The following SLC38A1 variants were observed in gnomAD, a reference collection of about 807,000 sequenced individuals.
SLC38A1 encodes the protein sodium-coupled neutral amino acid symporter 1.
Under a neutral mutation model 60.3 loss-of-function variants are expected in SLC38A1, and 18 were observed. The ratio of observed to expected loss-of-function variants is 0.30; its 90% CI spans 0.21 to 0.44. The LOEUF (loss-of-function observed/expected upper bound fraction) is 0.44, where lower values mean the gene tolerates loss of function less well. Among genes scored for constraint, SLC38A1 ranks in the 20% least tolerant of loss-of-function variants. The pLI is 1.00. For synonymous variants in SLC38A1, 196 were observed against 212.1 expected (o/e 0.92, Z 0.66); for missense variants, 448 against 587.2 (o/e 0.76, Z 2.45).
At chr12:46,220,437 T>C (rs1940612928) in intron 5 of SLC38A1, among the ~76,000 whole-genome samples, 1 of 152,228 alleles carries the variant, frequency 6.6e-6, no homozygotes, top group East Asian at 1.9e-4. Flanking sequence ...AGAGGAAAGA[T>C]GAATGTGACT....
At chr12:46,246,746 C>A (rs920675368) in intron 1 of SLC38A1, among the ~76,000 whole-genome samples, 11 of 152,190 alleles carry the variant, frequency 7.2e-5, no homozygotes, top group African/African-American at 2.7e-4. Flanking sequence ...CTGGGAGACA[C>A]CTCCTAGTAG....
chr12:46,188,678 C>G lies in SLC38A1; in HGVS notation c.*292G>C. ...AAAGTTCTAAGAGACCGGGAAGCCA[C>G]AAAACATAGAGTTAGATGGGTAAAA... On this transcript the variant is annotated 3_prime_UTR_variant, in exon 17 of 17. Coordinates refer to ENST00000398637, the MANE Select transcript of SLC38A1 (RefSeq NM_030674.4). 3.9e-6 allele frequency: 1 copy of G among 255,592 alleles called. No individual in the cohort carries two copies. 15.8% of individuals were successfully genotyped at this position (255,592 alleles called of 1,614,324 possible).
chr12:46,245,508 T>C (rs1941585467), intron 1 of SLC38A1, among the ~76,000 whole-genome samples: 1 of 152,176 alleles, frequency 6.6e-6, no homozygotes, highest in Non-Finnish European at 1.5e-5. Flanking sequence ...TGTACACTGT[T>C]GGAGGGAAGG....
chr12:46,215,551 G>A (rs1374371706), intron 5 of SLC38A1, among the ~76,000 whole-genome samples: 2 of 152,076 alleles, frequency 1.3e-5, no homozygotes, highest in Non-Finnish European at 2.9e-5. Flanking sequence ...GGGATTACAG[G>A]TGCATGCCAC....
intron 2 of SLC38A1, among the ~76,000 whole-genome samples, chr12:46,242,452 T>G (rs1229559049): frequency 6.6e-6 from 1 of 152,136 alleles, no homozygotes; most frequent in African/African-American, 2.4e-5. Context: ...GGATTGGACC[T>G]TGAAATTTTT....
intron 1 of SLC38A1, among the ~76,000 whole-genome samples, chr12:46,253,904 G>A (rs112311358): frequency 1.1e-4 from 17 of 152,204 alleles, no homozygotes; most frequent in African/African-American, 3.4e-4. Context: ...GTAGAGACGC[G>A]CTCAGTCAGA....
At chr12:46,248,835 T>G (rs1941720812) in intron 1 of SLC38A1, among the ~76,000 whole-genome samples, 1 of 152,066 alleles carries the variant, frequency 6.6e-6, no homozygotes, top group Non-Finnish European at 1.5e-5. Flanking sequence ...CAGACCACAG[T>G]GCAATCAAAT....
chr12:46,242,457 AT>A (rs1379009761), intron 2 of SLC38A1, among the ~76,000 whole-genome samples: 6 of 151,600 alleles, frequency 4.0e-5, no homozygotes, highest in African/African-American at 1.2e-4. Flanking sequence ...GGACCTTGAA[AT>A]TTTTTTTTCC....
At chr12:46,202,235 T>A (rs1225718192) in intron 12 of SLC38A1, among the ~76,000 whole-genome samples, 1 of 151,582 alleles carries the variant, frequency 6.6e-6, no homozygotes, top group Non-Finnish European at 1.5e-5. Context: ...AGTATACGCT[T>A]GAGAAAATTA....
rs1939731482 is a variant in SLC38A1 at position 46,203,035 on chromosome 12, G to A, written c.877C>T (p.Leu293=). Residue 293 remains leucine, a synonymous_variant, in exon 12 of 17, where the codon CTG becomes TTG. Transcript: ENST00000398637. ...AFAFVCHPSV[L]PIYSELKDRS... is the part of the protein sequence containing the mutation. ...TCTTTAAGCTCACTGTAAATTGGCA[G>A]GACTGACGGGTGGCAAACAAATGCA... The A allele has an allele frequency of 6.2e-7, 1 of 1,613,820 alleles. No homozygotes were observed. Among genetic ancestry groups the A allele is most frequent in the Non-Finnish European group, 8.5e-7 (1 of 1,179,896 alleles).
chr12:46,197,664 G>A (rs1939443411), intron 16 of SLC38A1, 56 bp downstream of exon 16: 2 of 1,174,554 alleles, frequency 1.7e-6, no homozygotes, highest in Non-Finnish European at 2.5e-6. Flanking sequence ...TATTTATTTT[G>A]TAAATTTAAA....
At chr12:46,218,765 A>G (rs1031094710) in intron 5 of SLC38A1, among the ~76,000 whole-genome samples, 7 of 152,130 alleles carry the variant, frequency 4.6e-5, no homozygotes, top group Non-Finnish European at 7.4e-5. Context: ...AGAGTTCTTA[A>G]AGATAATTTG....
intron 15 of SLC38A1, 22 bp downstream of exon 15, chr12:46,197,897 G>C: frequency 1.2e-6 from 2 of 1,612,124 alleles, no homozygotes; most frequent in South Asian, 2.2e-5. Flanking sequence ...AGAATGACAA[G>C]CACAAAGTCA....
At chr12:46,210,311 G>C (rs1184749418) in intron 5 of SLC38A1, among the ~76,000 whole-genome samples, 2 of 152,172 alleles carry the variant, frequency 1.3e-5, no homozygotes, top group South Asian at 2.1e-4. Flanking sequence ...GTACAGAATG[G>C]TCAACAGCAG....
Position 46,206,327 on chromosome 12 carries a change from C to A in SLC38A1, c.564-165G>T, listed in dbSNP as rs189850320. ...GTCTTATCCAAACACTTTAACCCAG[C>A]CCCTACTTATATACTACAGCTTCAC... On this transcript the variant is annotated intron_variant, in intron 8 of 16. Coordinates refer to ENST00000398637, the MANE Select transcript of SLC38A1 (RefSeq NM_030674.4). 2.0e-3 allele frequency among the ~76,000 whole-genome samples: 305 copies of A among 151,884 alleles called. 2 individuals are homozygous for A. Among genetic ancestry groups the A allele is most frequent in the Non-Finnish European group, 1.5e-3 (103 of 67,968 alleles).
chr12:46,233,276 G>C (rs189450107), intron 3 of SLC38A1, among the ~76,000 whole-genome samples: 1 of 152,014 alleles, frequency 6.6e-6, no homozygotes, highest in Non-Finnish European at 1.5e-5. Flanking sequence ...TTCCAAACTC[G>C]CCTTCCCAAA....
intron 2 of SLC38A1, among the ~76,000 whole-genome samples, chr12:46,240,875 TGG>T (rs1282187737): frequency 6.6e-6 from 1 of 152,202 alleles, no homozygotes; most frequent in Non-Finnish European, 1.5e-5. Flanking sequence ...TTCTCCCATA[TGG>T]ATGACTGTGG....
chr12:46,202,590 C>T (rs1223065463), intron 12 of SLC38A1, among the ~76,000 whole-genome samples: 2 of 152,184 alleles, frequency 1.3e-5, no homozygotes, highest in Non-Finnish European at 2.9e-5. Flanking sequence ...GTCTGATTTA[C>T]TAGCCTTTTC....
chr12:46,246,581 C>T (rs999467247), intron 1 of SLC38A1, among the ~76,000 whole-genome samples: 1 of 152,246 alleles, frequency 6.6e-6, no homozygotes, highest in African/African-American at 2.4e-5. Flanking sequence ...GGGGGCAGAG[C>T]ATAGCTGAAG....
Sources: gnomAD v4.1 joint callset for allele counts (sites outside exome capture counted in the v4.1 genomes callset) on GRCh38, gnomAD v4.1.1 for gene constraint, MANE v1.5 for transcripts, NCBI Gene and HGNC (gene_info 2026-07-23, HGNC 2026-07-21) for gene names.